Variants in WDR11 observed in about 807,000 individuals in gnomAD.
WDR11 encodes the protein WD repeat-containing protein 11.
In WDR11, 83 loss-of-function variants were observed where a neutral mutation model predicts 151.2. That is an observed-to-expected ratio of 0.55 (90% confidence interval 0.46 to 0.66). The LOEUF (loss-of-function observed/expected upper bound fraction) is 0.66, where lower values mean the gene tolerates loss of function less well. Among genes scored for constraint, WDR11 ranks in the 30% least tolerant of loss-of-function variants. The probability of loss-of-function intolerance (pLI) is 0.00; values close to 1 mark genes in which losing one functional copy is unlikely to be tolerated. For missense variants in WDR11, 1,301 were observed against 1,480.9 expected, an observed-to-expected ratio of 0.88 and a Z score of 1.99; for synonymous variants, 484 against 533.1, an observed-to-expected ratio of 0.91 and a Z score of 1.27.
chr10:120,905,404 A>G lies in WDR11; in HGVS notation c.3279A>G (p.Ala1093=), dbSNP rs762705368. The G allele has an allele frequency of 2.5e-6, 4 of 1,614,052 alleles. No individual in the cohort carries two copies. Among genetic ancestry groups the G allele is most frequent in the African/African-American group, 1.3e-5 (1 of 74,936 alleles). Residue 1093 remains alanine, a synonymous_variant, in exon 26 of 29, where the codon GCA becomes GCG. Transcript: ENST00000263461. ...CATACGGCGAGTGGAATCGGGCTGC[A>G]TGGCTGGCAAAAGTAGGTGGTTCCA... ...LQTYGEWNRA[A]WLAKVRLNPE...
Position 120,865,164 on chromosome 10 carries a change from G to T in WDR11, c.831G>T (p.Gln277His). Residue 277 changes from glutamine to histidine, a missense_variant, in exon 6 of 29, where the codon CAG becomes CAT. Gln to His is a conservative substitution (Grantham distance 24). This residue lies in a region of WDR11 where 692 missense variants were observed against 762.5 expected (regional missense o/e 0.91). Coordinates refer to ENST00000263461, the MANE Select transcript of WDR11 (RefSeq NM_018117.12). ...TAATCCTTGACCTTGAGGTGAATCA[G>T]ACGGTGGGTGTGATTGCAATAGAAC... is the stretch of plus-strand genomic sequence containing the variant. ...EILILDLEVN[Q>H]TVGVIAIERT... is the part of the protein sequence containing the mutation. 6.2e-7 allele frequency: 1 copy of T among 1,613,882 alleles called. No homozygotes were observed. The highest frequency in any genetic ancestry group is 8.5e-7 in the Non-Finnish European group (1 of 1,179,824).
At chr10:120,899,626 T>G (rs1278248040) in intron 19 of WDR11, among the ~76,000 whole-genome samples, 1 of 151,828 alleles carries the variant, frequency 6.6e-6, no homozygotes, top group Non-Finnish European at 1.5e-5. Context: ...CTACTAAAAA[T>G]GCAAAAATTA....
chr10:120,875,154 T>G (rs1278600914), intron 11 of WDR11, among the ~76,000 whole-genome samples: 2 of 152,252 alleles, frequency 1.3e-5, no homozygotes, highest in African/African-American at 4.8e-5. Flanking sequence ...CTCATTCTTT[T>G]TTATGGCTGC....
At chr10:120,882,849 G>T (rs190286839) in intron 13 of WDR11, among the ~76,000 whole-genome samples, 5 of 151,536 alleles carry the variant, frequency 3.3e-5, no homozygotes, top group Admixed American at 1.3e-4. Context: ...TTGTTCTTCT[G>T]CTTACTTTTT....
intron 13 of WDR11, among the ~76,000 whole-genome samples, chr10:120,882,180 G>C (rs552751922): frequency 6.6e-6 from 1 of 152,094 alleles, no homozygotes; most frequent in South Asian, 2.1e-4. Flanking sequence ...TTGATTTTCA[G>C]ATGTTAAGCC....
intron 10 of WDR11, among the ~76,000 whole-genome samples, chr10:120,872,699 A>G (rs1471757689): frequency 6.6e-6 from 1 of 152,170 alleles, no homozygotes; most frequent in Non-Finnish European, 1.5e-5. Flanking sequence ...AAACTTTCAG[A>G]TTGCAGAAAT....
Position 120,860,246 on chromosome 10 carries a change from T to G in WDR11, c.490T>G (p.Phe164Val). 1 of 1,614,166 alleles carries G rather than the reference T, an allele frequency of 6.2e-7. No homozygotes were observed. The highest frequency in any genetic ancestry group is 8.5e-7 in the Non-Finnish European group (1 of 1,180,030). Residue 164 changes from phenylalanine (F) to valine (V), a missense_variant, in exon 4 of 29, where the codon TTT becomes GTT. By Grantham distance (50) the Phe-to-Val change is conservative (BLOSUM62 -1). Coordinates refer to ENST00000263461, the MANE Select transcript of WDR11 (RefSeq NM_018117.12). ...KKSYADNILS[F>V]SFDPFDPSHL... Reference sequence around the variant, plus strand: ...GAGCTATGCAGATAACATTCTTTCTTTTTCTTTTGACCCTTTTGATCCCTC... The same window carrying G: ...GAGCTATGCAGATAACATTCTTTCTGTTTCTTTTGACCCTTTTGATCCCTC...
rs140995494 is a variant in WDR11, at chr10:120,897,141, G to A, written c.2516-2888G>A. Among the ~76,000 whole-genome samples, 204 of 152,264 alleles carry A rather than the reference G, an allele frequency of 1.3e-3. 1 individual carries two copies. Among genetic ancestry groups the A allele is most frequent in the African/African-American group, 4.6e-3 (191 of 41,534 alleles). ...CTGAGCATCACGAAAACTAATGGTG[G>A]TATTGATGTAAGTGCAGAATACCAA... On this transcript the variant is annotated intron_variant, in intron 19 of 28. Transcript: ENST00000263461.
intron 19 of WDR11, among the ~76,000 whole-genome samples, chr10:120,891,381 G>T (rs952628783): frequency 3.3e-5 from 5 of 151,980 alleles, no homozygotes; most frequent in Non-Finnish European, 5.9e-5. Flanking sequence ...GCAGTATCTT[G>T]CTCTGTTTTG....
intron 9 of WDR11, among the ~76,000 whole-genome samples, chr10:120,868,937 T>C (rs1046946824): frequency 1.3e-5 from 2 of 149,880 alleles, no homozygotes; most frequent in Non-Finnish European, 2.9e-5. Flanking sequence ...AAATTTATTT[T>C]ATCAGTAACA....
chr10:120,909,434 G>GAAGT lies in WDR11; in HGVS notation c.*723_*726dup, dbSNP rs1217074821. 2.2e-4 allele frequency: 34 copies of GAAGT among 152,674 alleles called. No homozygotes were observed. Among genetic ancestry groups the GAAGT allele is most frequent in the Admixed American group, 1.4e-3 (22 of 15,288 alleles). The allele number at this position is 152,674 out of a possible 1,614,324, so 9.5% of individuals were successfully genotyped here. On this transcript the variant is annotated 3_prime_UTR_variant, in exon 29 of 29. Transcript: ENST00000263461. ...TAATGTTCTCTCTGTTCTAATAGTT[G>GAAGT]AAGTATGAGATGTAACTATTATAAA...
intron 21 of WDR11, among the ~76,000 whole-genome samples, chr10:120,901,387 T>C (rs971777613): frequency 3.9e-5 from 6 of 152,172 alleles, no homozygotes; most frequent in Admixed American, 3.3e-4. Context: ...AGCATCCTTG[T>C]AGCTCAGCTT....
chr10:120,858,933 T>C (rs906680179), intron 3 of WDR11, 137 bp downstream of exon 3: 6 of 1,077,568 alleles, frequency 5.6e-6, no homozygotes, highest in African/African-American at 1.6e-5. Flanking sequence ...TTGCCTATTC[T>C]GCTGATCTAA....
At chr10:120,907,197 T>C (rs1848088492) in intron 28 of WDR11, 1 of 299,218 alleles carries the variant, frequency 3.3e-6, no homozygotes, top group South Asian at 4.0e-5. Context: ...AATAGTACTT[T>C]TTCAAGACCA....
chr10:120,865,226 A>G lies in WDR11; in HGVS notation c.879+14A>G, dbSNP rs921433821. 3.7e-6 allele frequency: 6 copies of G among 1,612,242 alleles called. No individual in the cohort carries two copies. In the African/African-American group the frequency reaches 8.0e-5, roughly 22 times the overall value. Reference sequence around the variant, plus strand: ...CCATTTTTACAGGTATCTACAATTCATAAATTATATTCCCCAAAATTATTA... The same window carrying G: ...CCATTTTTACAGGTATCTACAATTCGTAAATTATATTCCCCAAAATTATTA... On this transcript the variant is annotated intron_variant, in intron 6 of 28. Coordinates refer to ENST00000263461, the MANE Select transcript of WDR11 (RefSeq NM_018117.12).
intron 16 of WDR11, 139 bp downstream of exon 16, chr10:120,886,975 A>C (rs1490005101): frequency 2.2e-6 from 2 of 904,994 alleles, no homozygotes; most frequent in Non-Finnish European, 1.7e-6. Flanking sequence ...TTATCGATTA[A>C]ACTTGTTCCA....
At chr10:120,860,335 G>A in intron 4 of WDR11, 53 bp downstream of exon 4, 1 of 1,569,834 alleles carries the variant, frequency 6.4e-7, no homozygotes, top group South Asian at 1.1e-5. Context: ...TTATAATATA[G>A]TAATGCTATG....
At chr10:120,862,530 C>G (rs1324452339) in intron 4 of WDR11, 1 of 559,964 alleles carries the variant, frequency 1.8e-6, no homozygotes, top group African/African-American at 1.9e-5. Context: ...TATAGAATGC[C>G]AAGCTTGGAG....
At position 120,873,878 on chromosome 10, in the gene WDR11, G is replaced by C; in HGVS notation, c.1511G>C (p.Ser504Thr). ...TCTGTCCTGGTGTACCATCTCACCA[G>C]TGGTCTGCTACACAAAGAGTTAAGC... ...NGSVLVYHLT[S>T]GLLHKELSIH... is the part of the protein sequence containing the mutation. The change falls in exon 11 of 29, where the codon AGT becomes ACT. Residue 504 changes from serine to threonine, a missense_variant. Coordinates refer to ENST00000263461, the MANE Select transcript of WDR11 (RefSeq NM_018117.12). The C allele has an allele frequency of 9.9e-6, 16 of 1,613,486 alleles. No individual in the cohort carries two copies. Among genetic ancestry groups the C allele is most frequent in the Non-Finnish European group, 1.3e-5 (15 of 1,179,578 alleles).
Sources: allele counts gnomAD v4.1 joint callset (sites outside exome capture counted in the v4.1 genomes callset), GRCh38; gene constraint gnomAD v4.1.1; regional missense constraint gnomAD v4.1.1; transcripts MANE v1.5; gene names NCBI Gene and HGNC (gene_info 2026-07-23, HGNC 2026-07-21).